Variants in SULF1 observed in about 807,000 individuals in gnomAD.
The protein encoded by SULF1 is sulfatase 1, also known as extracellular sulfatase Sulf-1.
In SULF1, 46 loss-of-function variants were observed where a neutral mutation model predicts 110.5. The observed-to-expected ratio is 0.42, with a 90% CI of 0.33 to 0.53. SULF1 has a LOEUF of 0.53. Ranked by LOEUF, SULF1 falls within the 20% of genes least tolerant of loss-of-function variation. SULF1 has a pLI of 0.12. For synonymous variants in SULF1, 371 were observed against 387.1 expected (o/e 0.96, Z 0.49); for missense variants, 941 against 1,094.2 (o/e 0.86, Z 1.98).
chr8:69,640,066 C>CA (rs200217191), intron 21 of SULF1, among the ~76,000 whole-genome samples: 1,373 of 122,372 alleles, frequency 0.011, 21 homozygotes, highest in African/African-American at 0.04. Flanking sequence ...TCAAATCTTA[C>CA]AAAAAAAAGA....
intron 3 of SULF1, among the ~76,000 whole-genome samples, chr8:69,547,268 C>T (rs1193301299): frequency 6.6e-6 from 1 of 151,994 alleles, no homozygotes; most frequent in Non-Finnish European, 1.5e-5. Context: ...ATGATTTATA[C>T]CAAAATATTT....
At position 69,600,753 on chromosome 8, in the gene SULF1, G is replaced by C. The variant is rs1361431394; in HGVS notation, c.885G>C (p.Arg295Ser). ...TLMSVDDSVE[R>S]LYNMLVETGE... ...TGTCAGTGGATGATTCTGTGGAGAG[G>C]GTAAGCACATGAACCTACCTCAGTG... The change falls in exon 9 of 23, where the codon AGG becomes AGC. Residue 295 changes from arginine (R) to serine (S), a missense_variant and splice_region_variant. Coordinates refer to ENST00000402687, the MANE Select transcript of SULF1 (RefSeq NM_001128205.2). 1.2e-6 allele frequency: 2 copies of C among 1,613,308 alleles called. No individual in the cohort carries two copies. The highest frequency in any genetic ancestry group is 8.5e-7 in the Non-Finnish European group (1 of 1,179,602).
chr8:69,615,674 C>G (rs1306894082), intron 13 of SULF1, among the ~76,000 whole-genome samples: 1 of 152,154 alleles, frequency 6.6e-6, no homozygotes, highest in Admixed American at 6.5e-5. Flanking sequence ...GATACATCAT[C>G]ATAGCCAAGG....
intron 3 of SULF1, among the ~76,000 whole-genome samples, chr8:69,548,709 C>T (rs1394411092): frequency 6.6e-6 from 1 of 151,398 alleles, no homozygotes; most frequent in African/African-American, 2.4e-5. Context: ...TATCCACCCA[C>T]CTTGGCCTCC....
chr8:69,649,326 C>G (rs1812154731), intron 22 of SULF1, among the ~76,000 whole-genome samples: 1 of 152,146 alleles, frequency 6.6e-6, no homozygotes, highest in South Asian at 2.1e-4. Context: ...TTGCAAACAT[C>G]ATTCCCCTTT....
intron 1 of SULF1, among the ~76,000 whole-genome samples, chr8:69,481,108 T>A (rs1309468033): frequency 2.0e-5 from 3 of 152,146 alleles, no homozygotes; most frequent in Non-Finnish European, 4.4e-5. Flanking sequence ...TTTGGTGTTG[T>A]AAGTATCTCA....
intron 3 of SULF1, among the ~76,000 whole-genome samples, chr8:69,519,260 A>C (rs1478546678): frequency 6.6e-6 from 1 of 152,222 alleles, no homozygotes; most frequent in Non-Finnish European, 1.5e-5. Context: ...ACAGGGACTC[A>C]TTCATCTCTG....
upstream of SULF1, among the ~76,000 whole-genome samples, chr8:69,491,052 A>G (rs1809916844): frequency 6.6e-6 from 1 of 152,204 alleles, no homozygotes; most frequent in South Asian, 2.1e-4. Context: ...CCAAATTAGT[A>G]GAGGGGGGAA....
At chr8:69,572,378 GC>G (rs1334707291) in intron 5 of SULF1, among the ~76,000 whole-genome samples, 1 of 152,172 alleles carries the variant, frequency 6.6e-6, no homozygotes, top group Non-Finnish European at 1.5e-5. Flanking sequence ...AGGAATAATA[GC>G]TACTAGCACC....
chr8:69,485,783 C>T (rs1301655576), intron 1 of SULF1, among the ~76,000 whole-genome samples: 1 of 152,166 alleles, frequency 6.6e-6, no homozygotes, highest in Non-Finnish European at 1.5e-5. Flanking sequence ...ATCTATGCCT[C>T]TACGTACTTA....
At chr8:69,586,061 T>C (rs1806436137) in intron 6 of SULF1, among the ~76,000 whole-genome samples, 1 of 152,198 alleles carries the variant, frequency 6.6e-6, no homozygotes, top group Non-Finnish European at 1.5e-5. Context: ...ATAGCCTGAT[T>C]TTACTCCAGT....
Position 69,506,829 on chromosome 8 carries a change from A to T in SULF1, c.-134+4861A>T, listed in dbSNP as rs1023713089. Among the ~76,000 whole-genome samples the T allele has an allele frequency of 3.3e-5, 5 of 152,210 alleles. No homozygotes were observed. In the South Asian group the frequency reaches 1.0e-3, roughly 32 times the overall value. On this transcript the variant is annotated intron_variant, in intron 3 of 22. Transcript: ENST00000402687. ...AGGGTGGGGACTGGGGGACATTCAC[A>T]AGTGGATATTAAGGAAAAAGAATGG...
At chr8:69,624,265 C>T (rs1172657237) in intron 15 of SULF1, 68 bp downstream of exon 15, 3 of 1,509,396 alleles carry the variant, frequency 2.0e-6, no homozygotes, top group East Asian at 2.3e-5. Context: ...CATATTATCA[C>T]CATTTTGCAC....
At chr8:69,518,409 C>CATT (rs1461599647) in intron 3 of SULF1, among the ~76,000 whole-genome samples, 1 of 152,176 alleles carries the variant, frequency 6.6e-6, no homozygotes, top group East Asian at 1.9e-4. Context: ...TTAGGCATCA[C>CATT]ATTTTCTGGC....
chr8:69,495,330 C>G (rs532182477), intron 1 of SULF1, among the ~76,000 whole-genome samples: 2 of 152,126 alleles, frequency 1.3e-5, no homozygotes, highest in Admixed American at 1.3e-4. Context: ...CTATGGTGCA[C>G]TATAATCAAG....
intron 13 of SULF1, among the ~76,000 whole-genome samples, chr8:69,605,257 G>GCTACTTAGT (rs1380196678): frequency 6.6e-6 from 1 of 152,174 alleles, no homozygotes; most frequent in Non-Finnish European, 1.5e-5. Flanking sequence ...TTGCCAAAAG[G>GCTACTTAGT]CTACTTAGTC....
chr8:69,497,625 C>T (rs917177086), intron 2 of SULF1, among the ~76,000 whole-genome samples: 8 of 152,206 alleles, frequency 5.3e-5, no homozygotes, highest in Non-Finnish European at 8.8e-5. Flanking sequence ...ACTGTTTCAG[C>T]ATTTTGCTAC....
At chr8:69,631,938 T>C (rs562947086) in intron 19 of SULF1, among the ~76,000 whole-genome samples, 1 of 152,354 alleles carries the variant, frequency 6.6e-6, no homozygotes, top group South Asian at 2.1e-4. Flanking sequence ...TGACTACTGT[T>C]TTTGCTTAAC....
At chr8:69,539,601 C>G (rs12674851) in intron 3 of SULF1, among the ~76,000 whole-genome samples, 17,238 of 152,116 alleles carry the variant, frequency 0.11, 1,795 homozygotes, top group East Asian at 0.38. Context: ...AAGTCAATGA[C>G]TAAGCCCCTA....
Sources: allele counts gnomAD v4.1 joint callset (sites outside exome capture counted in the v4.1 genomes callset), GRCh38; gene constraint gnomAD v4.1.1; transcripts MANE v1.5; gene names NCBI Gene and HGNC (gene_info 2026-07-23, HGNC 2026-07-21).